ERBIN: variants seen among roughly 807,000 people sequenced by gnomAD.
ERBIN encodes the protein densin-180-like protein.
Under a neutral mutation model 158.4 loss-of-function variants are expected in ERBIN, and 60 were observed. That is an observed-to-expected ratio of 0.38 (90% CI 0.31 to 0.47). ERBIN has a LOEUF of 0.47. ERBIN is among the 20% of genes least tolerant of loss of function. ERBIN has a pLI of 0.99. For missense variants in ERBIN, 1,610 were observed against 1,648.0 expected, an observed-to-expected ratio of 0.98 and a Z score of 0.40; for synonymous variants, 594 against 557.2, an observed-to-expected ratio of 1.07 and a Z score of -0.93.
chr5:66,043,450 G>A (rs1313122930), intron 16 of ERBIN, among the ~76,000 whole-genome samples: 1 of 152,066 alleles, frequency 6.6e-6, no homozygotes, highest in Non-Finnish European at 1.5e-5. Flanking sequence ...ATAGGCTAGA[G>A]AAATTAACCA....
chr5:65,994,146 G>C (rs965222174), intron 3 of ERBIN, among the ~76,000 whole-genome samples: 3 of 152,144 alleles, frequency 2.0e-5, no homozygotes, highest in Admixed American at 2.0e-4. Context: ...TTATGAACTA[G>C]AAACCTAGGT....
intron 1 of ERBIN, among the ~76,000 whole-genome samples, chr5:65,957,195 ATT>A (rs538465405): frequency 2.7e-5 from 4 of 149,736 alleles, no homozygotes; most frequent in Non-Finnish European, 4.5e-5. Context: ...TCAATGTAGG[ATT>A]TTTTTTTTAA....
Position 66,053,811 on chromosome 5 carries a change from G to T in ERBIN, c.2493G>T (p.Gln831His). Residue 831 changes from glutamine to histidine, a missense_variant, in exon 21 of 26, where the codon CAG becomes CAT. Physicochemically the swap from Gln to His is conservative, Grantham distance 24. Transcript: ENST00000284037. The part of the protein sequence containing the change: ...KVNGHSEETS[Q>H]SPNRTEPHDS... ...ATGGACATTCTGAGGAAACTTCCCA[G>T]TCTCCTAATAGGACTGAACCACATG... is the stretch of plus-strand genomic sequence containing the variant. 6.2e-7 allele frequency: 1 copy of T among 1,613,988 alleles called. No individual in the cohort carries two copies.
At chr5:66,016,615 C>CTT (rs11323656) in intron 7 of ERBIN, among the ~76,000 whole-genome samples, 1,493 of 124,182 alleles carry the variant, frequency 0.012, 37 homozygotes, top group African/African-American at 0.041. Context: ...TTCATGAGAT[C>CTT]TTTTTTTTTT....
chr5:66,042,343 C>T (rs1757993493), intron 15 of ERBIN, among the ~76,000 whole-genome samples: 3 of 151,964 alleles, frequency 2.0e-5, no homozygotes, highest in Admixed American at 2.0e-4. Context: ...TAACAAAAAA[C>T]TGACAGTTGT....
intron 4 of ERBIN, among the ~76,000 whole-genome samples, chr5:66,007,382 C>A (rs1217414725): frequency 6.7e-6 from 1 of 149,958 alleles, no homozygotes; most frequent in Non-Finnish European, 1.5e-5. Context: ...CACACCAGGG[C>A]CTGTCGTGGG....
At chr5:65,974,607 C>T (rs971356990) in intron 1 of ERBIN, among the ~76,000 whole-genome samples, 16 of 152,300 alleles carry the variant, frequency 1.1e-4, no homozygotes, top group Non-Finnish European at 1.6e-4. Flanking sequence ...CTTCCTGCTC[C>T]TGTAGGTCAT....
At chr5:66,047,058 A>T (rs1758514288) in intron 18 of ERBIN, among the ~76,000 whole-genome samples, 1 of 152,140 alleles carries the variant, frequency 6.6e-6, no homozygotes, top group Non-Finnish European at 1.5e-5. Context: ...TGCAGCCATT[A>T]CTACAGTGAC....
chr5:66,002,748 A>G (rs1319532148), intron 4 of ERBIN, among the ~76,000 whole-genome samples: 1 of 152,250 alleles, frequency 6.6e-6, no homozygotes, highest in Non-Finnish European at 1.5e-5. Flanking sequence ...TTCACATTAA[A>G]CTAAAAGAAG....
intron 4 of ERBIN, among the ~76,000 whole-genome samples, chr5:66,008,973 A>T (rs1753906199): frequency 1.3e-5 from 2 of 152,228 alleles, no homozygotes; most frequent in African/African-American, 4.8e-5. Flanking sequence ...ACCCAAGAGA[A>T]ATGCAAACAT....
chr5:66,055,571 A>G (rs1042528656), intron 21 of ERBIN, among the ~76,000 whole-genome samples: 1 of 152,152 alleles, frequency 6.6e-6, no homozygotes, highest in Non-Finnish European at 1.5e-5. Context: ...TTATGTGTAG[A>G]TGTTCATCTT....
intron 4 of ERBIN, among the ~76,000 whole-genome samples, chr5:66,002,686 C>T (rs922307825): frequency 6.6e-6 from 1 of 151,140 alleles, no homozygotes; most frequent in Non-Finnish European, 1.5e-5. Flanking sequence ...GAAAGCAGTT[C>T]TTTTAACTTG....
intron 23 of ERBIN, chr5:66,076,040 A>G (rs1440876916): frequency 2.8e-6 from 1 of 356,746 alleles, no homozygotes; most frequent in Non-Finnish European, 5.0e-6. Context: ...CTAAAAAGTA[A>G]AACAGGGTCA....
At chr5:65,965,697 T>C (rs1394667182) in intron 1 of ERBIN, among the ~76,000 whole-genome samples, 1 of 152,184 alleles carries the variant, frequency 6.6e-6, no homozygotes, top group African/African-American at 2.4e-5. Flanking sequence ...CTGGCCCCAT[T>C]CTTATCAGAT....
At chr5:65,954,411 C>T (rs1253515566) in intron 1 of ERBIN, among the ~76,000 whole-genome samples, 3 of 152,100 alleles carry the variant, frequency 2.0e-5, no homozygotes, top group African/African-American at 4.8e-5. Context: ...GGTGAGAGTA[C>T]TATACTGTAT....
chr5:66,047,067 A>G (rs1297438171), intron 18 of ERBIN, among the ~76,000 whole-genome samples: 3 of 152,098 alleles, frequency 2.0e-5, no homozygotes, highest in Non-Finnish European at 4.4e-5. Context: ...TACTACAGTG[A>G]CTTTTAGAAC....
chr5:66,045,541 GA>G (rs1323627643), intron 17 of ERBIN, among the ~76,000 whole-genome samples: 1 of 151,692 alleles, frequency 6.6e-6, no homozygotes, highest in African/African-American at 2.4e-5. Flanking sequence ...TACACTCTGT[GA>G]TGTTCACAGA....
At chr5:66,002,061 G>A (rs761971720) in intron 4 of ERBIN, among the ~76,000 whole-genome samples, 4 of 152,018 alleles carry the variant, frequency 2.6e-5, no homozygotes, top group African/African-American at 9.7e-5. Flanking sequence ...AAGAACATGC[G>A]GCGTTTGATT....
chr5:66,012,219 A>G (rs1754278982), intron 5 of ERBIN, 92 bp downstream of exon 5: 6 of 811,948 alleles, frequency 7.4e-6, no homozygotes, highest in Non-Finnish European at 7.6e-6. Context: ...CAAAAATTTT[A>G]TATCAATCTT....
Sources: gnomAD v4.1 joint callset for allele counts (sites outside exome capture counted in the v4.1 genomes callset) on GRCh38, gnomAD v4.1.1 for gene constraint, MANE v1.5 for transcripts, NCBI Gene and HGNC (gene_info 2026-07-23, HGNC 2026-07-21) for gene names.